PRKAR1B: variants seen among roughly 807,000 people sequenced by gnomAD.
PRKAR1B encodes the protein protein kinase cAMP-dependent type I regulatory subunit beta.
Under a neutral mutation model 46.5 loss-of-function variants are expected in PRKAR1B, and 22 were observed. The ratio of observed to expected loss-of-function variants is 0.47; its 90% CI spans 0.34 to 0.68. The LOEUF (loss-of-function observed/expected upper bound fraction) is 0.68, where lower values mean the gene tolerates loss of function less well. Among genes scored for constraint, PRKAR1B ranks in the 30% least tolerant of loss-of-function variants. The pLI is 0.01. For synonymous variants in PRKAR1B, 259 were observed against 217.7 expected, an observed-to-expected ratio of 1.19 and a Z score of -1.67; for missense variants, 445 against 535.6, an observed-to-expected ratio of 0.83 and a Z score of 1.67.
chr7:694,413 G>GCTCAGCTCCAACAGATCCCACAAAGC (rs1779611734), intron 2 of PRKAR1B, among the ~76,000 whole-genome samples: 1 of 151,812 alleles, frequency 6.6e-6, no homozygotes, highest in African/African-American at 2.4e-5. Flanking sequence ...TCGTCTGGAC[G>GCTCAGCTCCAACAGATCCCACAAAGC]CTCAGCTCCA....
intron 4 of PRKAR1B, among the ~76,000 whole-genome samples, chr7:639,428 A>ATACT (rs1784278979): frequency 6.6e-6 from 1 of 152,270 alleles, no homozygotes; most frequent in African/African-American, 2.4e-5. Flanking sequence ...CACAGAAAGT[A>ATACT]ACTCAAAATG....
At chr7:693,914 T>C (rs1223342479) in intron 2 of PRKAR1B, among the ~76,000 whole-genome samples, 3 of 152,344 alleles carry the variant, frequency 2.0e-5, no homozygotes, top group Middle Eastern at 3.4e-3. Flanking sequence ...ATCCATCTTA[T>C]GTTTCATTTT....
At chr7:594,298 A>G (rs1781144093) in intron 7 of PRKAR1B, among the ~76,000 whole-genome samples, 1 of 152,078 alleles carries the variant, frequency 6.6e-6, no homozygotes, top group East Asian at 1.9e-4. Flanking sequence ...CATCCCAAGC[A>G]GGGGATGGAG....
At chr7:580,899 G>A (rs879892650) in intron 8 of PRKAR1B, among the ~76,000 whole-genome samples, 1 of 152,266 alleles carries the variant, frequency 6.6e-6, no homozygotes, top group African/African-American at 2.4e-5. Flanking sequence ...GGCGCCGTAG[G>A]TTGCAAAGGA....
Position 584,132 on chromosome 7 carries a change from C to G in PRKAR1B, c.769+376G>C, listed in dbSNP as rs141239682. ...CACAGGTCAGGGAAAGCAGCTCGACCCAGCTCACACGTGTACCGGGAGCCA... is the reference window on the plus strand; with the variant it reads ...CACAGGTCAGGGAAAGCAGCTCGACGCAGCTCACACGTGTACCGGGAGCCA... On this transcript the variant is annotated intron_variant, in intron 8 of 10. Coordinates refer to ENST00000537384, the MANE Select transcript of PRKAR1B (RefSeq NM_001164760.2). Among the ~76,000 whole-genome samples the G allele has an allele frequency of 5.5e-4, 83 of 152,292 alleles. No homozygotes were observed. The East Asian group carries it at 0.016, about 29-fold the overall frequency.
intron 4 of PRKAR1B, among the ~76,000 whole-genome samples, chr7:647,047 G>C (rs188902666): frequency 6.6e-6 from 1 of 152,288 alleles, no homozygotes; most frequent in Admixed American, 6.5e-5. Flanking sequence ...CCAGAGGTGG[G>C]GAAGAAAGGG....
intron 4 of PRKAR1B, among the ~76,000 whole-genome samples, chr7:665,448 G>A (rs1413857907): frequency 1.3e-5 from 2 of 152,174 alleles, no homozygotes; most frequent in Non-Finnish European, 2.9e-5. Flanking sequence ...CCAGGGACTG[G>A]CCATTGCATA....
intron 2 of PRKAR1B, among the ~76,000 whole-genome samples, chr7:691,161 A>G (rs948025135): frequency 2.7e-5 from 4 of 150,218 alleles, no homozygotes; most frequent in African/African-American, 9.9e-5. Flanking sequence ...TCCCGCGCCC[A>G]CCCAAACTGT....
At chr7:669,319 G>A (rs1183465683) in intron 4 of PRKAR1B, among the ~76,000 whole-genome samples, 1 of 152,182 alleles carries the variant, frequency 6.6e-6, no homozygotes, top group Non-Finnish European at 1.5e-5. Context: ...GTAAATTGGG[G>A]CTATCAGGGG....
chr7:584,746 C>T lies in PRKAR1B; in HGVS notation c.709-178G>A, dbSNP rs191238458. On this transcript the variant is annotated intron_variant, in intron 7 of 10. Transcript: ENST00000537384. ...CGTGAGCTGCCACGGTGTCCTATGC[C>T]CCCCACCTCCCTCCTCCCGGGGGGC... Among the ~76,000 whole-genome samples the T allele has an allele frequency of 3.2e-4, 48 of 152,262 alleles. No homozygotes were observed. The East Asian group carries it at 7.9e-3, about 25-fold the overall frequency.
At chr7:659,433 G>C (rs1005243958) in intron 4 of PRKAR1B, among the ~76,000 whole-genome samples, 1 of 152,148 alleles carries the variant, frequency 6.6e-6, no homozygotes. Flanking sequence ...CACAGGCACC[G>C]AAGTGACCAC....
rs559586425 is a variant in PRKAR1B at position 714,459 on chromosome 7, G to C, written c.-22-2932C>G. Among the ~76,000 whole-genome samples the C allele has an allele frequency of 8.5e-5, 13 of 152,336 alleles. 1 individual carries two copies. The South Asian group carries it at 2.7e-3, about 32-fold the overall frequency. The stretch of plus-strand genomic sequence containing the variant: ...CTGGCAGCATGCACGTGGCCAGCCA[G>C]ACATGCGGCCCCTGGCCCCACTGAG... On this transcript the variant is annotated intron_variant, in intron 1 of 10. Transcript: ENST00000537384. The surrounding 1 kb of genome is among the most constrained non-coding windows in gnomAD (Gnocchi z 4.3).
intron 9 of PRKAR1B, among the ~76,000 whole-genome samples, chr7:552,004 C>T (rs1453763965): frequency 2.0e-5 from 2 of 102,330 alleles, no homozygotes; most frequent in Non-Finnish European, 3.9e-5. Context: ...AAACCCCCAC[C>T]TCCCACCCAG....
intron 2 of PRKAR1B, among the ~76,000 whole-genome samples, chr7:698,467 T>A (rs1054529149): frequency 2.6e-5 from 4 of 151,866 alleles, no homozygotes; most frequent in African/African-American, 9.7e-5. Flanking sequence ...TGTGTGCATA[T>A]CTAGGTACGT....
intron 4 of PRKAR1B, among the ~76,000 whole-genome samples, chr7:631,400 C>T (rs1470089017): frequency 1.3e-5 from 2 of 152,162 alleles, no homozygotes; most frequent in Non-Finnish European, 2.9e-5. Context: ...TGGTCGCCGG[C>T]CCAAAGCCAC....
At chr7:618,090 G>A (rs1172797497) in intron 4 of PRKAR1B, among the ~76,000 whole-genome samples, 1 of 151,958 alleles carries the variant, frequency 6.6e-6, no homozygotes, top group Non-Finnish European at 1.5e-5. Flanking sequence ...AGTGGTAAGT[G>A]CCGGAGTGAG....
At chr7:695,949 C>G (rs2128519310) in intron 2 of PRKAR1B, among the ~76,000 whole-genome samples, 1 of 150,304 alleles carries the variant, frequency 6.7e-6, no homozygotes, top group South Asian at 2.1e-4. Flanking sequence ...TAGGCGTGAG[C>G]CACTGCGCCC....
At chr7:632,936 A>G (rs1300584096) in intron 4 of PRKAR1B, among the ~76,000 whole-genome samples, 1 of 152,204 alleles carries the variant, frequency 6.6e-6, no homozygotes, top group Non-Finnish European at 1.5e-5. Context: ...GGAAGCAGAC[A>G]CCAGGTCCCG....
At chr7:595,002 G>A (rs186173798) in intron 7 of PRKAR1B, among the ~76,000 whole-genome samples, 54 of 152,330 alleles carry the variant, frequency 3.5e-4, no homozygotes, top group Admixed American at 3.5e-3. Flanking sequence ...GCCCCAAACC[G>A]GCCCAGGGAA....
Sources: allele counts gnomAD v4.1 joint callset (sites outside exome capture counted in the v4.1 genomes callset), GRCh38; gene constraint gnomAD v4.1.1; non-coding constraint Gnocchi (gnomAD v3.1); transcripts MANE v1.5; gene names NCBI Gene and HGNC (gene_info 2026-07-23, HGNC 2026-07-21).